Variants in PCDH11Y observed in about 807,000 individuals in gnomAD.
PCDH11Y encodes protocadherin-11 Y-linked.
For missense variants in PCDH11Y, 12 were observed against 224.8 expected, an observed-to-expected ratio of 0.05 and a Z score of 6.05; for synonymous variants, 9 against 83.6, an observed-to-expected ratio of 0.11 and a Z score of 4.87.
intron 2 of PCDH11Y, among the ~76,000 whole-genome samples, chrY:5,284,265 A>G: frequency 3.0e-5 from 1 of 32,821 alleles, no homozygotes; most frequent in African/African-American, 1.2e-4. Context: ...GCAGATTTAT[A>G]TCATACCTGC....
At chrY:5,159,660 TTTGTCCTA>T (rs2052872791) in intron 2 of PCDH11Y, among the ~76,000 whole-genome samples, 1 of 28,972 alleles carries the variant, frequency 3.5e-5, no homozygotes, top group Non-Finnish European at 8.2e-5. Context: ...TTATAGTTTC[TTTGTCCTA>T]TCCAGGTACC....
At chrY:5,073,201 A>G in intron 1 of PCDH11Y, among the ~76,000 whole-genome samples, 6 of 33,238 alleles carry the variant, frequency 1.8e-4, no homozygotes, top group African/African-American at 7.1e-4. Flanking sequence ...TTACATATGC[A>G]TTGATTTTTA....
intron 2 of PCDH11Y, among the ~76,000 whole-genome samples, chrY:5,153,191 A>G (rs2052865425): frequency 3.0e-5 from 1 of 33,276 alleles, no homozygotes; most frequent in South Asian, 6.6e-4. Context: ...ATAAAATGCA[A>G]AGGAAGTGAA....
intron 1 of PCDH11Y, among the ~76,000 whole-genome samples, chrY:5,078,883 C>T (rs2052714206): frequency 3.0e-5 from 1 of 33,085 alleles, no homozygotes; most frequent in South Asian, 6.9e-4. Context: ...CTTATTTCAA[C>T]ATTAACTCGA....
At chrY:5,358,967 A>G in intron 2 of PCDH11Y, among the ~76,000 whole-genome samples, 2 of 29,270 alleles carry the variant, frequency 6.8e-5, no homozygotes, top group African/African-American at 2.8e-4. Context: ...TGGGGTCCCA[A>G]GATTTCTTTT....
intron 3 of PCDH11Y, among the ~76,000 whole-genome samples, chrY:5,046,945 G>T (rs1602849486): frequency 5.9e-5 from 2 of 34,141 alleles, no homozygotes; most frequent in Non-Finnish European, 1.5e-4. Flanking sequence ...CTTTCCGAGT[G>T]AGGCAGTGCC....
At chrY:5,045,874 G>A (rs1602848206) in intron 3 of PCDH11Y, among the ~76,000 whole-genome samples, 1 of 32,482 alleles carries the variant, frequency 3.1e-5, no homozygotes, top group South Asian at 7.0e-4. Context: ...ATCTTCCATC[G>A]CTGATACCCT....
chrY:5,057,745 GC>G, intron 1 of PCDH11Y, among the ~76,000 whole-genome samples: 2 of 32,642 alleles, frequency 6.1e-5, no homozygotes, highest in Non-Finnish European at 1.5e-4. Flanking sequence ...TCAGTAGTTT[GC>G]CCAGCTTCAT....
intron 2 of PCDH11Y, among the ~76,000 whole-genome samples, chrY:5,124,521 T>A: frequency 3.0e-5 from 1 of 33,703 alleles, no homozygotes; most frequent in Admixed American, 2.7e-4. Context: ...CATGATGATA[T>A]TCCCTTCTGA....
intron 2 of PCDH11Y, among the ~76,000 whole-genome samples, chrY:5,425,132 T>A: frequency 3.0e-5 from 1 of 33,523 alleles, no homozygotes; most frequent in Non-Finnish European, 7.4e-5. Flanking sequence ...AAATGTAGAT[T>A]TCGTTTTCGT....
At chrY:5,390,594 G>A in intron 2 of PCDH11Y, among the ~76,000 whole-genome samples, 1 of 33,500 alleles carries the variant, frequency 3.0e-5, no homozygotes, top group Non-Finnish European at 7.4e-5. Flanking sequence ...GCTTAAGGAT[G>A]ACTCTCCAGC....
intron 4 of PCDH11Y, among the ~76,000 whole-genome samples, chrY:5,653,376 C>T (rs1343339973): frequency 6.1e-5 from 2 of 32,697 alleles, no homozygotes; most frequent in African/African-American, 2.4e-4. Context: ...AAATATTAGA[C>T]GAATAGCTAA....
At chrY:5,237,838 T>A in intron 2 of PCDH11Y, among the ~76,000 whole-genome samples, 1 of 32,203 alleles carries the variant, frequency 3.1e-5, no homozygotes, top group African/African-American at 1.2e-4. Flanking sequence ...TCAAAGAGAA[T>A]AAAATACCTA....
intron 3 of PCDH11Y, among the ~76,000 whole-genome samples, chrY:5,575,369 G>A (rs2124696771): frequency 3.1e-5 from 1 of 32,275 alleles, no homozygotes; most frequent in South Asian, 7.2e-4. Context: ...ATAGACAAGA[G>A]ATTGTAATAG....
chrY:5,716,136 A>G, intron 4 of PCDH11Y, among the ~76,000 whole-genome samples: 7 of 33,223 alleles, frequency 2.1e-4, no homozygotes, highest in African/African-American at 8.2e-4. Flanking sequence ...ATCACGCTGA[A>G]TAGTAAAATA....
intron 4 of PCDH11Y, among the ~76,000 whole-genome samples, chrY:5,640,201 G>A: frequency 6.2e-5 from 2 of 32,490 alleles, no homozygotes; most frequent in Non-Finnish European, 1.5e-4. Flanking sequence ...CACCACATCT[G>A]CAGTGATTTC....
intron 2 of PCDH11Y, among the ~76,000 whole-genome samples, chrY:5,384,952 T>G: frequency 3.3e-5 from 1 of 30,698 alleles, no homozygotes; most frequent in Admixed American, 3.1e-4. Context: ...AGTTTGATTA[T>G]AAGGCACTTA....
At chrY:5,630,566 A>G in intron 4 of PCDH11Y, among the ~76,000 whole-genome samples, 2 of 33,157 alleles carry the variant, frequency 6.0e-5, no homozygotes, top group African/African-American at 1.2e-4. Flanking sequence ...AATGTGACTG[A>G]AAAAGAGCAG....
chrY:5,565,192 C>T (rs2053433038), intron 3 of PCDH11Y, among the ~76,000 whole-genome samples: 1 of 33,428 alleles, frequency 3.0e-5, no homozygotes, highest in Non-Finnish European at 7.4e-5. Flanking sequence ...TAGCGAGGAG[C>T]CACAAACTTC....
Sources: gnomAD v4.1 joint callset for allele counts (sites outside exome capture counted in the v4.1 genomes callset) on GRCh38, gnomAD v4.1.1 for gene constraint, MANE v1.5 for transcripts, NCBI Gene and HGNC (gene_info 2026-07-23, HGNC 2026-07-21) for gene names.